The following CBLN2 variants were observed in gnomAD, a reference collection of about 807,000 sequenced individuals.
CBLN2 encodes cerebellin 2 precursor, also known as cerebellin-2.
CBLN2 carries 7 observed loss-of-function variants against 15.0 expected under a neutral mutation model. The observed-to-expected ratio is 0.47, with a 90% CI of 0.27 to 0.88. CBLN2 has a LOEUF of 0.88. Among genes scored for constraint, CBLN2 ranks in the 40% least tolerant of loss-of-function variants. CBLN2 has a pLI of 0.14. For synonymous variants in CBLN2, 149 were observed against 135.2 expected (o/e 1.10, Z -0.71); for missense variants, 242 against 304.5 (o/e 0.79, Z 1.53).
intron 1 of CBLN2, among the ~76,000 whole-genome samples, chr18:72,635,053 T>C (rs1326271439): frequency 6.6e-6 from 1 of 152,110 alleles, no homozygotes; most frequent in Admixed American, 6.6e-5. Context: ...GAGCAATGCC[T>C]TTACTCATAT....
intron 1 of CBLN2, among the ~76,000 whole-genome samples, chr18:72,613,857 G>T (rs1005036897): frequency 2.0e-5 from 3 of 152,130 alleles, no homozygotes; most frequent in Non-Finnish European, 4.4e-5. Context: ...CCTGTACACC[G>T]TTGCCTTTCA....
chr18:72,580,291 T>G (rs1205534305), intron 1 of CBLN2, among the ~76,000 whole-genome samples: 1 of 152,170 alleles, frequency 6.6e-6, no homozygotes, highest in African/African-American at 2.4e-5. Flanking sequence ...CTCTTTTTAT[T>G]ATAAAATACT....
chr18:72,607,753 T>C (rs553899903), intron 1 of CBLN2, among the ~76,000 whole-genome samples: 1 of 152,072 alleles, frequency 6.6e-6, no homozygotes, highest in African/African-American at 2.4e-5. Context: ...GAGTGGAGGA[T>C]TGGGTCCCTT....
rs894536175 is a variant in CBLN2 at position 72,542,149 on chromosome 18, G to A, written c.12C>T (p.Pro4=). The part of the protein sequence containing the change: MQA[P]GRGPLGLRLM... ...GCCGCAGCCCGAGTGGCCCCCGGCC[G>A]GGCGCCTGCATCGGGACTGGTGGGA... is the stretch of plus-strand genomic sequence containing the variant. The change falls in exon 3 of 5, where the codon CCC becomes CCT. Residue 4 remains proline (P), a synonymous_variant. Coordinates refer to ENST00000269503, the MANE Select transcript of CBLN2 (RefSeq NM_182511.4). 3.0e-6 allele frequency: 4 copies of A among 1,312,708 alleles called. No individual in the cohort carries two copies. Among genetic ancestry groups the A allele is most frequent in the South Asian group, 2.2e-5 (1 of 45,584 alleles). The allele number at this position is 1,312,708 out of a possible 1,614,324, so 81.3% of individuals were successfully genotyped here.
chr18:72,557,392 A>G (rs1339760911), intron 1 of CBLN2, among the ~76,000 whole-genome samples: 2 of 152,160 alleles, frequency 1.3e-5, no homozygotes, highest in African/African-American at 4.8e-5. Context: ...CTTTGGCTAT[A>G]TGCCCAGTAA....
intron 1 of CBLN2, among the ~76,000 whole-genome samples, chr18:72,560,137 C>G (rs1007288172): frequency 2.0e-5 from 3 of 152,144 alleles, no homozygotes; most frequent in Non-Finnish European, 4.4e-5. Flanking sequence ...AGCCATTGTT[C>G]TTTGTAAGCA....
At chr18:72,590,063 C>T (rs990733691) in intron 1 of CBLN2, among the ~76,000 whole-genome samples, 1 of 152,194 alleles carries the variant, frequency 6.6e-6, no homozygotes, top group African/African-American at 2.4e-5. Context: ...GTCAGGAGAT[C>T]AAGACCACCC....
intron 1 of CBLN2, among the ~76,000 whole-genome samples, chr18:72,553,717 T>G (rs999554847): frequency 6.6e-6 from 1 of 152,160 alleles, no homozygotes; most frequent in African/African-American, 2.4e-5. Flanking sequence ...TTCCTAATCC[T>G]GGTCATAGAA....
intron 1 of CBLN2, among the ~76,000 whole-genome samples, chr18:72,593,774 T>A (rs1450517087): frequency 1.3e-5 from 2 of 152,198 alleles, no homozygotes; most frequent in Non-Finnish European, 2.9e-5. Context: ...ATATGGTTTT[T>A]GTCCTTCATT....
chr18:72,569,592 T>G (rs1357749657), intron 1 of CBLN2, among the ~76,000 whole-genome samples: 1 of 152,176 alleles, frequency 6.6e-6, no homozygotes, highest in South Asian at 2.1e-4. Context: ...GGCATCTGAT[T>G]CTGGGGAGGC....
chr18:72,598,363 A>G (rs62091970), intron 1 of CBLN2, among the ~76,000 whole-genome samples: 19,498 of 152,172 alleles, frequency 0.13, 2,935 homozygotes, highest in African/African-American at 0.36. Context: ...GTCTAGAATG[A>G]GGGCCTCGGG....
At chr18:72,638,384 G>A in exon 1 of CBLN2, 1 of 398,486 alleles carries the variant, frequency 2.5e-6, no homozygotes, top group Non-Finnish European at 4.4e-6. Flanking sequence ...CAGATCTGAA[G>A]AATGTTGTCC....
chr18:72,556,382 A>C (rs2069227099), intron 1 of CBLN2, among the ~76,000 whole-genome samples: 1 of 152,216 alleles, frequency 6.6e-6, no homozygotes, highest in South Asian at 2.1e-4. Flanking sequence ...CTATCAGTGA[A>C]TTTTCTGCCA....
At chr18:72,540,237 A>C (rs2144862019) in intron 3 of CBLN2, 1 of 152,232 alleles carries the variant, frequency 6.6e-6, no homozygotes, top group East Asian at 1.9e-4. Flanking sequence ...CAACTCCTTC[A>C]CCTCAATTTT....
chr18:72,598,418 C>T (rs541612363), intron 1 of CBLN2, among the ~76,000 whole-genome samples: 12 of 152,188 alleles, frequency 7.9e-5, no homozygotes, highest in Admixed American at 2.6e-4. Flanking sequence ...CTGGTATCCA[C>T]GTTGCAAGAC....
chr18:72,603,104 G>C (rs75652021), intron 1 of CBLN2, among the ~76,000 whole-genome samples: 1 of 152,236 alleles, frequency 6.6e-6, no homozygotes, highest in Non-Finnish European at 1.5e-5. Flanking sequence ...ATGCCATGCC[G>C]CAAGGCAAAA....
chr18:72,553,642 T>G (rs1336181345), intron 1 of CBLN2, among the ~76,000 whole-genome samples: 1 of 152,168 alleles, frequency 6.6e-6, no homozygotes, highest in Non-Finnish European at 1.5e-5. Context: ...ATCCTTATGT[T>G]TAGATAATTT....
chr18:72,579,108 G>A (rs1193353676), intron 1 of CBLN2, among the ~76,000 whole-genome samples: 1 of 152,126 alleles, frequency 6.6e-6, no homozygotes, highest in Non-Finnish European at 1.5e-5. Flanking sequence ...AGTAAGAGAA[G>A]CAAGATATTG....
intron 1 of CBLN2, among the ~76,000 whole-genome samples, chr18:72,634,633 T>C (rs755907621): frequency 6.6e-6 from 1 of 152,168 alleles, no homozygotes; most frequent in Non-Finnish European, 1.5e-5. Context: ...AAAAATTAGT[T>C]ACACTATTCT....
Sources: gnomAD v4.1 joint callset for allele counts (sites outside exome capture counted in the v4.1 genomes callset) on GRCh38, gnomAD v4.1.1 for gene constraint, MANE v1.5 for transcripts, NCBI Gene and HGNC (gene_info 2026-07-23, HGNC 2026-07-21) for gene names.